DENND4A: variants seen among roughly 807,000 people sequenced by gnomAD.
DENND4A encodes the protein C-myc promoter-binding protein.
Under a neutral mutation model 199.3 loss-of-function variants are expected in DENND4A, and 70 were observed. The ratio of observed to expected loss-of-function variants is 0.35; its 90% CI spans 0.29 to 0.43. The LOEUF (loss-of-function observed/expected upper bound fraction) is 0.43, where lower values mean the gene tolerates loss of function less well. Among genes scored for constraint, DENND4A ranks in the 20% least tolerant of loss-of-function variants. DENND4A has a pLI of 1.00. For missense variants in DENND4A, 1,723 were observed against 2,255.8 expected (o/e 0.76, Z 4.78); for synonymous variants, 686 against 766.9 (o/e 0.89, Z 1.74).
At chr15:65,735,619 A>G (rs1244471695) in intron 7 of DENND4A, among the ~76,000 whole-genome samples, 1 of 152,214 alleles carries the variant, frequency 6.6e-6, no homozygotes, top group Non-Finnish European at 1.5e-5. Flanking sequence ...AATTTTATTA[A>G]GTTTTGGCTG....
intron 1 of DENND4A, chr15:65,772,049 C>T: frequency 7.6e-7 from 1 of 1,312,602 alleles, no homozygotes; most frequent in Non-Finnish European, 1.1e-6. Context: ...CGGCCTTCTG[C>T]AGGAAACGCT....
rs753145905 is a variant in DENND4A at position 65,700,625 on chromosome 15, G to A, written c.2752C>T (p.His918Tyr). ...AVSHGSMDSG[H>Y]GTHTVEQAPF... ...GCCTGCTCCACAGTGTGTGTCCCATGACCACTATCCATGCTGCCATGACTA... is the reference window on the plus strand; with the variant it reads ...GCCTGCTCCACAGTGTGTGTCCCATAACCACTATCCATGCTGCCATGACTA... Residue 918 changes from histidine to tyrosine, a missense_variant, in exon 20 of 33, where the codon CAT becomes TAT. Physicochemically the swap from His to Tyr is moderately conservative, Grantham distance 83 (BLOSUM62 2). Coordinates refer to ENST00000443035, the MANE Select transcript of DENND4A (RefSeq NM_001320835.1). The A allele has an allele frequency of 7.8e-5, 121 of 1,547,418 alleles. No homozygotes were observed. The highest frequency in any genetic ancestry group is 1.6e-4 in the Admixed American group (8 of 49,992).
intron 1 of DENND4A, among the ~76,000 whole-genome samples, chr15:65,788,366 C>T (rs1233797601): frequency 2.0e-5 from 3 of 152,146 alleles, no homozygotes; most frequent in Admixed American, 1.3e-4. Flanking sequence ...TGAGCCACTG[C>T]GCCTGGCCAG....
chr15:65,768,512 C>A (rs1320753602), intron 1 of DENND4A, among the ~76,000 whole-genome samples: 1 of 152,122 alleles, frequency 6.6e-6, no homozygotes, highest in East Asian at 1.9e-4. Context: ...TGAATGCTAA[C>A]AGTAGATTAG....
At chr15:65,668,454 C>A (rs536109968) in intron 27 of DENND4A, among the ~76,000 whole-genome samples, 5 of 152,064 alleles carry the variant, frequency 3.3e-5, no homozygotes, top group Non-Finnish European at 5.9e-5. Context: ...AGCCATCTGC[C>A]CACCTCGGCC....
At chr15:65,729,407 T>C (rs2075896319) in intron 10 of DENND4A, 127 bp downstream of exon 10, 5 of 1,420,810 alleles carry the variant, frequency 3.5e-6, no homozygotes, top group South Asian at 1.3e-5. Context: ...AAATCAAAAC[T>C]GCTTTCAAAA....
chr15:65,667,583 T>C lies in DENND4A; in HGVS notation c.5107A>G (p.Ile1703Val), dbSNP rs769505848. 5.0e-6 allele frequency: 8 copies of C among 1,614,040 alleles called. No homozygotes were observed. In the Admixed American group the frequency reaches 5.0e-5, roughly 10 times the overall value. ...TGGTCCACAAAGTCTGCTACTGTTATTGCATGATCACCTTCATTTTCCAAT... is the reference window on the plus strand; with the variant it reads ...TGGTCCACAAAGTCTGCTACTGTTACTGCATGATCACCTTCATTTTCCAAT... ...SLLENEGDHA[I>V]TVADFVDHHP... Residue 1703 changes from isoleucine (I) to valine (V), a missense_variant, in exon 29 of 33, where the codon ATA becomes GTA. By Grantham distance (29) the Ile-to-Val change is conservative. Coordinates refer to ENST00000443035, the MANE Select transcript of DENND4A (RefSeq NM_001320835.1).
chr15:65,723,072 T>TA (rs1330229881), intron 11 of DENND4A, 124 bp from the exon 12 acceptor site: 2 of 736,278 alleles, frequency 2.7e-6, no homozygotes, highest in Non-Finnish European at 4.0e-6. Flanking sequence ...AAAAACAAAA[T>TA]ATTTGCATTA....
At position 65,690,505 on chromosome 15, in the gene DENND4A, T is replaced by C; in HGVS notation, c.4089A>G (p.Leu1363=). ...DTLLVPKLDV[L]RNSMFTAGKG... ...TTCCAGCAGTGAACATACTGTTTCT[T>C]AGAACATCTAGTTTAGGTACTAGTA... Residue 1363 remains leucine (L), a synonymous_variant, in exon 23 of 33, where the codon CTA becomes CTG. Coordinates refer to ENST00000443035, the MANE Select transcript of DENND4A (RefSeq NM_001320835.1). 6.2e-7 allele frequency: 1 copy of C among 1,613,356 alleles called. No individual in the cohort carries two copies. The highest frequency in any genetic ancestry group is 8.5e-7 in the Non-Finnish European group (1 of 1,179,598).
At chr15:65,731,120 A>G (rs1289033619) in intron 9 of DENND4A, among the ~76,000 whole-genome samples, 1 of 152,044 alleles carries the variant, frequency 6.6e-6, no homozygotes, top group Non-Finnish European at 1.5e-5. Context: ...TCAGACTGTA[A>G]CCATTTCTCT....
intron 23 of DENND4A, among the ~76,000 whole-genome samples, chr15:65,682,532 A>G (rs1161312484): frequency 6.6e-6 from 1 of 152,140 alleles, no homozygotes; most frequent in Non-Finnish European, 1.5e-5. Flanking sequence ...GGCTGATGTG[A>G]TCTATCCAGA....
At chr15:65,694,532 C>T (rs920135618) in intron 22 of DENND4A, among the ~76,000 whole-genome samples, 3 of 152,024 alleles carry the variant, frequency 2.0e-5, no homozygotes, top group Admixed American at 6.6e-5. Context: ...GTTTATTCTA[C>T]TCCCATATAT....
chr15:65,674,211 A>G (rs1055322800), intron 24 of DENND4A, among the ~76,000 whole-genome samples: 1 of 152,220 alleles, frequency 6.6e-6, no homozygotes, highest in African/African-American at 2.4e-5. Context: ...GATATATATG[A>G]TAAATATCAC....
intron 5 of DENND4A, among the ~76,000 whole-genome samples, chr15:65,740,074 G>A (rs187670383): frequency 2.8e-4 from 42 of 152,078 alleles, no homozygotes; most frequent in African/African-American, 9.9e-4. Context: ...CCAGCTACTC[G>A]GGAGGCTGAG....
At chr15:65,764,791 A>G (rs972045378) in intron 1 of DENND4A, among the ~76,000 whole-genome samples, 2 of 152,042 alleles carry the variant, frequency 1.3e-5, no homozygotes, top group African/African-American at 4.8e-5. Flanking sequence ...TGGGCAACAT[A>G]GTGAGACCCC....
chr15:65,724,692 T>C (rs751252238), intron 11 of DENND4A, among the ~76,000 whole-genome samples: 31 of 152,186 alleles, frequency 2.0e-4, no homozygotes, highest in Admixed American at 6.5e-4. Flanking sequence ...AAAATAAAGA[T>C]AGGGCAAAGT....
chr15:65,714,561 C>G (rs1019788933), intron 14 of DENND4A, among the ~76,000 whole-genome samples: 2 of 152,136 alleles, frequency 1.3e-5, no homozygotes, highest in African/African-American at 2.4e-5. Flanking sequence ...GTTTTGACAA[C>G]CCCCTCCAGA....
At chr15:65,758,676 T>C (rs1196106832) in intron 2 of DENND4A, among the ~76,000 whole-genome samples, 2 of 152,186 alleles carry the variant, frequency 1.3e-5, no homozygotes, top group African/African-American at 2.4e-5. Flanking sequence ...ACCACTATTA[T>C]AGGAAAAAAG....
rs78587629 is a variant in DENND4A, at chr15:65,787,795, A to G, written c.-102+4215T>C. On this transcript the variant is annotated intron_variant, in intron 1 of 32. Coordinates refer to ENST00000443035, the MANE Select transcript of DENND4A (RefSeq NM_001320835.1). The stretch of plus-strand genomic sequence containing the variant: ...TGATGGTCCAGAAAGCAAAAAAAGC[A>G]TTGTGACCCAGGGTCTGAGGGCAGA... Among the ~76,000 whole-genome samples the G allele has an allele frequency of 6.0e-3, 917 of 152,306 alleles. 7 individuals carry two copies. The highest frequency in any genetic ancestry group is 9.2e-3 in the Non-Finnish European group (623 of 68,022).
Sources: allele counts gnomAD v4.1 joint callset (sites outside exome capture counted in the v4.1 genomes callset), GRCh38; gene constraint gnomAD v4.1.1; transcripts MANE v1.5; gene names NCBI Gene and HGNC (gene_info 2026-07-23, HGNC 2026-07-21).